Variants in TBC1D12 observed in about 807,000 individuals in gnomAD.
TBC1D12 encodes TBC1 domain family member 12, also known as TBC1 domain family, member 12.
Under a neutral mutation model 86.7 loss-of-function variants are expected in TBC1D12, and 56 were observed. The ratio of observed to expected loss-of-function variants is 0.65; its 90% CI spans 0.52 to 0.81. TBC1D12 has a LOEUF of 0.81. TBC1D12 is among the 30% of genes least tolerant of loss of function. The pLI, the probability that TBC1D12 is intolerant of heterozygous loss-of-function variation, is 0.00. For synonymous variants in TBC1D12, 421 were observed against 411.7 expected (o/e 1.02, Z -0.27); for missense variants, 1,023 against 1,038.8 (o/e 0.98, Z 0.21).
At chr10:94,477,194 G>C (rs945927539) in intron 3 of TBC1D12, among the ~76,000 whole-genome samples, 11 of 152,158 alleles carry the variant, frequency 7.2e-5, no homozygotes, top group African/African-American at 2.7e-4. Flanking sequence ...GTAGTATAGA[G>C]ACTGAATTTG....
In TBC1D12 at chr10:94,522,011, T is replaced by C; in HGVS notation, c.1818T>C (p.Asp606=). Residue 606 remains aspartate (D), a synonymous_variant, in exon 10 of 13, where the codon GAT becomes GAC. Transcript: ENST00000225235. ...AVLILNLEEA[D]AFIAFANLLN... ...TCATTCTCAATTTGGAAGAGGCAGA[T>C]GCCTTTATCGCATTTGCCAATCTCC... The C allele has an allele frequency of 1.9e-6, 3 of 1,612,706 alleles. No homozygotes were observed. Among genetic ancestry groups the C allele is most frequent in the Non-Finnish European group, 2.5e-6 (3 of 1,179,052 alleles).
chr10:94,509,117 T>TA (rs1302092072), intron 7 of TBC1D12: 26 of 150,264 alleles, frequency 1.7e-4, no homozygotes, highest in African/African-American at 6.4e-4. Context: ...GTTTTTTTTT[T>TA]TTTTTTTTTG....
At chr10:94,515,444 T>G (rs1045714199) in intron 9 of TBC1D12, among the ~76,000 whole-genome samples, 23 of 150,998 alleles carry the variant, frequency 1.5e-4, no homozygotes, top group Non-Finnish European at 1.6e-4. Context: ...ACCTTCTGGG[T>G]TCAAGCAATT....
intron 1 of TBC1D12, among the ~76,000 whole-genome samples, chr10:94,414,247 G>A (rs934095551): frequency 1.3e-5 from 2 of 152,132 alleles, no homozygotes; most frequent in Non-Finnish European, 2.9e-5. Context: ...TTGTTTCCAC[G>A]TTATTCTTGT....
intron 11 of TBC1D12, among the ~76,000 whole-genome samples, chr10:94,528,555 C>A (rs934145243): frequency 1.3e-5 from 2 of 152,092 alleles, no homozygotes; most frequent in Non-Finnish European, 2.9e-5. Flanking sequence ...GGTGCAGAGG[C>A]TCATACCTGT....
chr10:94,454,311 G>A (rs1251737527), intron 2 of TBC1D12, among the ~76,000 whole-genome samples: 2 of 152,060 alleles, frequency 1.3e-5, no homozygotes, highest in African/African-American at 4.8e-5. Context: ...TCCCAGGTTC[G>A]AGCGATTCTC....
intron 2 of TBC1D12, among the ~76,000 whole-genome samples, chr10:94,451,379 A>G (rs1397865201): frequency 6.6e-6 from 1 of 152,126 alleles, no homozygotes; most frequent in Non-Finnish European, 1.5e-5. Context: ...GTTTATTAAG[A>G]TTTTTTAAAT....
chr10:94,430,354 C>T (rs1313646552), intron 1 of TBC1D12, among the ~76,000 whole-genome samples: 2 of 152,140 alleles, frequency 1.3e-5, no homozygotes, highest in African/African-American at 4.8e-5. Flanking sequence ...TAGGTAGTCA[C>T]AATTTTCTAT....
intron 6 of TBC1D12, among the ~76,000 whole-genome samples, chr10:94,501,010 C>T (rs749654251): frequency 1.3e-5 from 2 of 151,856 alleles, no homozygotes; most frequent in African/African-American, 2.4e-5. Flanking sequence ...GAGCCGAGAT[C>T]GCGCCTGTGC....
At chr10:94,474,202 A>G (rs1437642445) in intron 2 of TBC1D12, among the ~76,000 whole-genome samples, 1 of 152,192 alleles carries the variant, frequency 6.6e-6, no homozygotes, top group African/African-American at 2.4e-5. Context: ...TGGCCTGGAT[A>G]GCTGATATCA....
chr10:94,532,831 T>C (rs1159677394), intron 12 of TBC1D12, among the ~76,000 whole-genome samples, 197 bp from the exon 13 acceptor site: 1 of 152,142 alleles, frequency 6.6e-6, no homozygotes, highest in Non-Finnish European at 1.5e-5. Context: ...TTCAGAATAG[T>C]TGGCAATTGG....
At chr10:94,522,850 CCTGA>C (rs1278826166) in intron 11 of TBC1D12, among the ~76,000 whole-genome samples, 3 of 151,842 alleles carry the variant, frequency 2.0e-5, no homozygotes, top group African/African-American at 7.3e-5. Context: ...TCGAAACCAG[CCTGA>C]CTAACATGGT....
chr10:94,496,986 A>T, intron 4 of TBC1D12, 69 bp from the exon 5 acceptor site: 1 of 835,080 alleles, frequency 1.2e-6, no homozygotes, highest in Non-Finnish European at 1.8e-6. Context: ...TGTAGAGTTT[A>T]GGTAAATGGA....
At chr10:94,529,828 G>C (rs964350824) in intron 11 of TBC1D12, among the ~76,000 whole-genome samples, 1 of 152,166 alleles carries the variant, frequency 6.6e-6, no homozygotes, top group Non-Finnish European at 1.5e-5. Flanking sequence ...GATCACAATT[G>C]ATGTGGGGGA....
At chr10:94,415,473 C>T (rs1390038078) in intron 1 of TBC1D12, among the ~76,000 whole-genome samples, 1 of 152,208 alleles carries the variant, frequency 6.6e-6, no homozygotes, top group Non-Finnish European at 1.5e-5. Flanking sequence ...GTGGCTCATG[C>T]CTGCAATCCC....
chr10:94,488,984 G>A lies in TBC1D12; in HGVS notation c.1212-4381G>A, dbSNP rs192026812. 4.6e-3 allele frequency among the ~76,000 whole-genome samples: 696 copies of A among 152,208 alleles called. 20 individuals are homozygous for A. The highest frequency in any genetic ancestry group is 0.043 in the Admixed American group (652 of 15,284). On this transcript the variant is annotated intron_variant, in intron 3 of 12. Transcript: ENST00000225235. ...TACCTGGGATTGAGAGGGGAGTGGCGTAAGCACTCCCCCAAATGTCCTGTC... is the reference window on the plus strand; with the variant it reads ...TACCTGGGATTGAGAGGGGAGTGGCATAAGCACTCCCCCAAATGTCCTGTC...
At chr10:94,480,360 T>C (rs1167775511) in intron 3 of TBC1D12, among the ~76,000 whole-genome samples, 10 of 152,176 alleles carry the variant, frequency 6.6e-5, no homozygotes, top group African/African-American at 2.4e-4. Context: ...TTAGTCTTCA[T>C]GATTCAGGGT....
chr10:94,444,578 C>T (rs1481548331), intron 2 of TBC1D12, among the ~76,000 whole-genome samples: 1 of 152,178 alleles, frequency 6.6e-6, no homozygotes, highest in African/African-American at 2.4e-5. Flanking sequence ...TATGCATGCA[C>T]ATACATTTTT....
At chr10:94,442,079 CTTCTTTTT>C in intron 2 of TBC1D12, 60 bp downstream of exon 2, 2 of 1,317,372 alleles carry the variant, frequency 1.5e-6, no homozygotes, top group Non-Finnish European at 2.0e-6. Flanking sequence ...TCTTCTTCTT[CTTCTTTTT>C]TTTTTTTTTT....
Sources: gnomAD v4.1 joint callset for allele counts (sites outside exome capture counted in the v4.1 genomes callset) on GRCh38, gnomAD v4.1.1 for gene constraint, MANE v1.5 for transcripts, NCBI Gene and HGNC (gene_info 2026-07-23, HGNC 2026-07-21) for gene names.